Variants in SEMA5A observed in about 807,000 individuals in gnomAD.
The protein encoded by SEMA5A is semaphorin 5A.
A neutral mutation model predicts 135.5 loss-of-function variants in SEMA5A; 55 were observed. The observed-to-expected ratio is 0.41, with a 90% CI of 0.33 to 0.51. SEMA5A has a LOEUF of 0.51. Among genes scored for constraint, SEMA5A ranks in the 20% least tolerant of loss-of-function variants. The pLI, the probability that SEMA5A is intolerant of heterozygous loss-of-function variation, is 0.37. For missense variants in SEMA5A, 1,290 were observed against 1,419.9 expected (o/e 0.91, Z 1.47); for synonymous variants, 580 against 546.5 (o/e 1.06, Z -0.85).
At chr5:9,295,644 T>C (rs1242235571) in intron 5 of SEMA5A, among the ~76,000 whole-genome samples, 2 of 152,134 alleles carry the variant, frequency 1.3e-5, no homozygotes, top group East Asian at 3.9e-4. Context: ...TAATCTGGAA[T>C]GCACCAAGGC....
intron 1 of SEMA5A, among the ~76,000 whole-genome samples, chr5:9,511,808 A>G (rs2126847734): frequency 6.6e-6 from 1 of 152,336 alleles, no homozygotes; most frequent in Non-Finnish European, 1.5e-5. Context: ...AACACTATAA[A>G]TATATATAAC....
At chr5:9,265,196 G>A (rs577515991) in intron 5 of SEMA5A, among the ~76,000 whole-genome samples, 71 of 152,148 alleles carry the variant, frequency 4.7e-4, no homozygotes, top group Non-Finnish European at 7.4e-4. Flanking sequence ...TCAGCTCCAC[G>A]GTCGTGTGCT....
intron 16 of SEMA5A, among the ~76,000 whole-genome samples, chr5:9,074,712 G>T (rs1299062344): frequency 6.6e-6 from 1 of 152,152 alleles, no homozygotes; most frequent in Non-Finnish European, 1.5e-5. Context: ...ATATGTGATG[G>T]CAAAACAAGC....
At chr5:9,465,439 C>T (rs1040825973) in intron 1 of SEMA5A, among the ~76,000 whole-genome samples, 1 of 152,186 alleles carries the variant, frequency 6.6e-6, no homozygotes, top group Non-Finnish European at 1.5e-5. Context: ...ATACAGTCAG[C>T]CCTCCATATC....
At chr5:9,463,188 A>C (rs974914270) in intron 1 of SEMA5A, among the ~76,000 whole-genome samples, 6 of 152,312 alleles carry the variant, frequency 3.9e-5, no homozygotes, top group Non-Finnish European at 7.4e-5. Flanking sequence ...CCTAGTCTGA[A>C]GAAAAACAGT....
At chr5:9,154,405 A>C in intron 12 of SEMA5A, 83 bp downstream of exon 12, 1 of 1,311,660 alleles carries the variant, frequency 7.6e-7, no homozygotes, top group South Asian at 1.3e-5. Context: ...ATTCAACTTC[A>C]GGGCATCTGA....
chr5:9,281,884 G>A (rs569779881), intron 5 of SEMA5A, among the ~76,000 whole-genome samples: 13 of 149,948 alleles, frequency 8.7e-5, no homozygotes, highest in African/African-American at 3.2e-4. Flanking sequence ...GAGTGCAGTG[G>A]TGCAATCTTG....
intron 4 of SEMA5A, among the ~76,000 whole-genome samples, chr5:9,324,048 A>G (rs960389296): frequency 6.6e-6 from 1 of 151,582 alleles, no homozygotes. Flanking sequence ...TACAATTTTC[A>G]GCTATTTTAA....
intron 5 of SEMA5A, among the ~76,000 whole-genome samples, chr5:9,305,750 A>G (rs1045121192): frequency 4.0e-5 from 6 of 150,348 alleles, no homozygotes; most frequent in Admixed American, 2.0e-4. Flanking sequence ...ACACACACAC[A>G]CACACATATA....
At chr5:9,139,814 C>T (rs1249886183) in intron 12 of SEMA5A, among the ~76,000 whole-genome samples, 1 of 152,184 alleles carries the variant, frequency 6.6e-6, no homozygotes, top group Non-Finnish European at 1.5e-5. Flanking sequence ...ATCTTCCCAA[C>T]TTAAAGATTA....
At chr5:9,182,158 C>A (rs557390336) in intron 11 of SEMA5A, among the ~76,000 whole-genome samples, 7 of 141,302 alleles carry the variant, frequency 5.0e-5, no homozygotes, top group African/African-American at 1.7e-4. Context: ...TGCCCCCCAC[C>A]CCAAAAAAAA....
intron 16 of SEMA5A, among the ~76,000 whole-genome samples, chr5:9,095,531 A>T (rs1739269983): frequency 6.6e-6 from 1 of 152,244 alleles, no homozygotes; most frequent in African/African-American, 2.4e-5. Context: ...GAAGAAAGAA[A>T]CAATGGAATC....
chr5:9,454,904 G>C (rs1758773886), intron 1 of SEMA5A, among the ~76,000 whole-genome samples: 1 of 152,162 alleles, frequency 6.6e-6, no homozygotes, highest in African/African-American at 2.4e-5. Context: ...AAAAGAACTA[G>C]ATGACATGTG....
intron 13 of SEMA5A, among the ~76,000 whole-genome samples, chr5:9,136,217 G>T (rs1741733507): frequency 6.9e-6 from 1 of 144,750 alleles, no homozygotes; most frequent in Non-Finnish European, 1.5e-5. Context: ...ACTCTGGAGG[G>T]GGAAAAAAAA....
chr5:9,372,935 C>A (rs1755205482), intron 3 of SEMA5A, among the ~76,000 whole-genome samples: 1 of 152,164 alleles, frequency 6.6e-6, no homozygotes, highest in Admixed American at 6.5e-5. Flanking sequence ...GAGCAGGTGG[C>A]AGGCTGAGCA....
intron 5 of SEMA5A, among the ~76,000 whole-genome samples, chr5:9,281,337 A>G (rs1750530872): frequency 1.3e-5 from 2 of 152,304 alleles, no homozygotes; most frequent in East Asian, 1.9e-4. Context: ...TAATTTTTGT[A>G]TATATTTATA....
intron 2 of SEMA5A, among the ~76,000 whole-genome samples, chr5:9,435,837 C>T (rs1758008997): frequency 1.3e-5 from 2 of 152,222 alleles, no homozygotes; most frequent in Admixed American, 1.3e-4. Flanking sequence ...TTTTCTCACA[C>T]TTTTTAGAAA....
chr5:9,435,923 A>G lies in SEMA5A; in HGVS notation c.-78+1833T>C, dbSNP rs367767694. On this transcript the variant is annotated intron_variant, in intron 2 of 22. Coordinates refer to ENST00000382496, the MANE Select transcript of SEMA5A (RefSeq NM_003966.3). ...ATATTTGTTCTGAGTTTCTCTCTAC[A>G]GGTCTGAGTAACTCCAGTAAGGAAT... Among the ~76,000 whole-genome samples the G allele has an allele frequency of 2.4e-4, 37 of 152,338 alleles. No individual in the cohort carries two copies. The East Asian group carries it at 5.0e-3, about 21-fold the overall frequency.
chr5:9,342,874 A>G (rs1247631552), intron 3 of SEMA5A, among the ~76,000 whole-genome samples: 1 of 152,232 alleles, frequency 6.6e-6, no homozygotes, highest in African/African-American at 2.4e-5. Context: ...AAACCCAACC[A>G]GCATAGTTTT....
Sources: allele counts gnomAD v4.1 joint callset (sites outside exome capture counted in the v4.1 genomes callset), GRCh38; gene constraint gnomAD v4.1.1; transcripts MANE v1.5; gene names NCBI Gene and HGNC (gene_info 2026-07-23, HGNC 2026-07-21).